IL1R1: variants seen among roughly 807,000 people sequenced by gnomAD.
IL1R1 encodes interleukin-1 receptor type 1.
A neutral mutation model predicts 50.2 loss-of-function variants in IL1R1; 22 were observed. That is an observed-to-expected ratio of 0.44 (90% confidence interval 0.31 to 0.63). The LOEUF (loss-of-function observed/expected upper bound fraction) is 0.63. Among genes scored for constraint, IL1R1 ranks in the 20% least tolerant of loss-of-function variants. The pLI, the probability that IL1R1 is intolerant of heterozygous loss-of-function variation, is 0.07. For synonymous variants in IL1R1, 251 were observed against 236.7 expected (o/e 1.06, Z -0.55); for missense variants, 509 against 676.2 (o/e 0.75, Z 2.74).
At chr2:102,076,490 T>G (rs1678965657) in intron 1 of IL1R1, among the ~76,000 whole-genome samples, 1 of 152,246 alleles carries the variant, frequency 6.6e-6, no homozygotes, top group African/African-American at 2.4e-5. Context: ...TTTCTTATAG[T>G]GCAGGTCTGC....
At chr2:102,073,711 T>G (rs1309804116) in intron 1 of IL1R1, among the ~76,000 whole-genome samples, 1 of 152,176 alleles carries the variant, frequency 6.6e-6, no homozygotes, top group Non-Finnish European at 1.5e-5. Context: ...TAAACATATG[T>G]CTGAATTCCT....
upstream of IL1R1, among the ~76,000 whole-genome samples, chr2:102,102,466 T>G (rs956558066): frequency 6.6e-6 from 1 of 152,090 alleles, no homozygotes; most frequent in African/African-American, 2.4e-5. Flanking sequence ...AGATATCATC[T>G]CACACCAGTC....
chr2:102,145,528 G>A (rs931268750), intron 1 of IL1R1, among the ~76,000 whole-genome samples: 3 of 152,256 alleles, frequency 2.0e-5, no homozygotes, highest in East Asian at 1.9e-4. Flanking sequence ...CACACATGGC[G>A]GCACGATGGA....
intron 1 of IL1R1, among the ~76,000 whole-genome samples, chr2:102,118,941 C>T (rs781127835): frequency 9.9e-5 from 14 of 141,926 alleles, no homozygotes; most frequent in Non-Finnish European, 1.9e-4. Flanking sequence ...TGGTATGAAC[C>T]TGGGAAGCAG....
chr2:102,118,120 A>T (rs1217547374), intron 1 of IL1R1, among the ~76,000 whole-genome samples: 1 of 152,156 alleles, frequency 6.6e-6, no homozygotes, highest in African/African-American at 2.4e-5. Flanking sequence ...AATGGTCACT[A>T]GAAAGAACAG....
At chr2:102,125,279 C>A (rs995188024) in intron 1 of IL1R1, among the ~76,000 whole-genome samples, 5 of 152,232 alleles carry the variant, frequency 3.3e-5, no homozygotes, top group African/African-American at 1.2e-4. Context: ...AAGAATAATT[C>A]TTGTCTCAAC....
intron 1 of IL1R1, among the ~76,000 whole-genome samples, chr2:102,136,124 G>A (rs1682326067): frequency 6.6e-6 from 1 of 152,114 alleles, no homozygotes. Context: ...AAGATCAGTG[G>A]CTTTGGCCTC....
At chr2:102,093,272 G>T (rs1334468356) in intron 1 of IL1R1, among the ~76,000 whole-genome samples, 17 of 152,154 alleles carry the variant, frequency 1.1e-4, no homozygotes, top group Non-Finnish European at 2.5e-4. Flanking sequence ...AAAAGAAAAT[G>T]TCATCAATCT....
At chr2:102,130,042 CTT>C (rs1681944646) in intron 1 of IL1R1, among the ~76,000 whole-genome samples, 2 of 151,970 alleles carry the variant, frequency 1.3e-5, no homozygotes, top group Non-Finnish European at 2.9e-5. Context: ...CCTTTTTTTA[CTT>C]TGTTTACATT....
chr2:102,115,867 A>G (rs766960450), intron 1 of IL1R1, among the ~76,000 whole-genome samples: 11 of 152,220 alleles, frequency 7.2e-5, no homozygotes, highest in Non-Finnish European at 1.6e-4. Context: ...ACACATTCCA[A>G]AAGGTAGGAT....
At chr2:102,111,405 T>C (rs1204976053) in intron 1 of IL1R1, among the ~76,000 whole-genome samples, 1 of 152,178 alleles carries the variant, frequency 6.6e-6, no homozygotes, top group East Asian at 1.9e-4. Context: ...GTGAGACAAG[T>C]GGAGACATTT....
intron 1 of IL1R1, among the ~76,000 whole-genome samples, chr2:102,120,602 G>A (rs888038544): frequency 2.6e-5 from 4 of 152,140 alleles, no homozygotes; most frequent in African/African-American, 4.8e-5. Context: ...AGGCAACTCC[G>A]GCATAAAATG....
chr2:102,092,699 CT>C (rs1679726499), intron 1 of IL1R1, among the ~76,000 whole-genome samples: 1 of 152,138 alleles, frequency 6.6e-6, no homozygotes, highest in Admixed American at 6.5e-5. Flanking sequence ...ACTAATTCTT[CT>C]AGCAGTGAAC....
intron 1 of IL1R1, among the ~76,000 whole-genome samples, chr2:102,081,412 C>CA (rs1465916281): frequency 6.6e-6 from 1 of 152,166 alleles, no homozygotes; most frequent in Non-Finnish European, 1.5e-5. Flanking sequence ...AATAATCTTC[C>CA]AACCTGCAAT....
At position 102,176,697 on chromosome 2, in the gene IL1R1, C is replaced by G; in HGVS notation, c.1648C>G (p.Gln550Glu). The change falls in exon 12 of 12, where the codon CAG (glutamine) becomes GAG (glutamate). Residue 550 changes from glutamine (Q) to glutamate (E), a missense_variant. Coordinates refer to ENST00000410023, the MANE Select transcript of IL1R1 (RefSeq NM_000877.4). ...GCGACGGTCACCTTCATCTAAACAC[C>G]AGTTACTGTCACCAGCCACTAAGGA... is the stretch of plus-strand genomic sequence containing the variant. ...VQRRSPSSKH[Q>E]LLSPATKEKL... 1 of 1,614,174 alleles carries G rather than the reference C, an allele frequency of 6.2e-7. No individual in the cohort carries two copies. The highest frequency in any genetic ancestry group is 1.1e-5 in the South Asian group (1 of 91,082).
chr2:102,175,368 G>A (rs1686035262), intron 10 of IL1R1, 110 bp from the exon 11 acceptor site: 1 of 811,062 alleles, frequency 1.2e-6, no homozygotes, highest in African/African-American at 1.7e-5. Flanking sequence ...TCATGCCATT[G>A]TATAAAAAAA....
chr2:102,118,198 T>G (rs1681196848), intron 1 of IL1R1, among the ~76,000 whole-genome samples: 1 of 152,098 alleles, frequency 6.6e-6, no homozygotes, highest in Non-Finnish European at 1.5e-5. Flanking sequence ...GAGATTGAGT[T>G]AATGATCAGT....
chr2:102,142,083 G>C (rs1346195687), upstream of IL1R1: 2 of 152,182 alleles, frequency 1.3e-5, no homozygotes, highest in Non-Finnish European at 2.9e-5. Flanking sequence ...AGATTTTATA[G>C]TATGACACTT....
intron 1 of IL1R1, among the ~76,000 whole-genome samples, chr2:102,147,867 A>G (rs900688442): frequency 1.3e-5 from 2 of 152,198 alleles, no homozygotes; most frequent in African/African-American, 2.4e-5. Context: ...TTTTTACTTT[A>G]TCTTCATATC....
Sources: allele counts gnomAD v4.1 joint callset (sites outside exome capture counted in the v4.1 genomes callset), GRCh38; gene constraint gnomAD v4.1.1; transcripts MANE v1.5; gene names NCBI Gene and HGNC (gene_info 2026-07-23, HGNC 2026-07-21).